Variants in SSBP1 observed in about 807,000 individuals in gnomAD.
SSBP1 encodes the protein single-stranded DNA-binding protein, mitochondrial.
In SSBP1, 20 loss-of-function variants were observed where a neutral mutation model predicts 27.0. That is an observed-to-expected ratio of 0.74 (90% CI 0.52 to 1.08). The LOEUF (loss-of-function observed/expected upper bound fraction) is 1.08, where lower values mean the gene tolerates loss of function less well. Among genes scored for constraint, SSBP1 ranks in the 50% least tolerant of loss-of-function variants. SSBP1 has a pLI of 0.00. For missense variants in SSBP1, 137 were observed against 182.4 expected (o/e 0.75, Z 1.44); for synonymous variants, 59 against 59.3 (o/e 1.00, Z 0.02).
At chr7:141,741,715 A>G (rs1201936535) in intron 2 of SSBP1, 1 of 958,680 alleles carries the variant, frequency 1.0e-6, no homozygotes, top group African/African-American at 1.8e-5. Context: ...TATTGAATAT[A>G]TGTAGTACTT....
chr7:141,745,883 T>G, intron 6 of SSBP1: 5 of 1,098,894 alleles, frequency 4.6e-6, no homozygotes, highest in Non-Finnish European at 5.5e-6. Flanking sequence ...TCTGAATGTA[T>G]TGTCTTTTGG....
chr7:141,742,566 T>G (rs117807028), intron 3 of SSBP1, among the ~76,000 whole-genome samples: 23 of 152,322 alleles, frequency 1.5e-4, no homozygotes, highest in Admixed American at 2.0e-4. Flanking sequence ...AATATTCCCT[T>G]GTGTTTATAA....
Position 141,738,402 on chromosome 7 carries a change from G to C in SSBP1, c.-52G>C, listed in dbSNP as rs564113515. 1 of 152,584 alleles carries C rather than the reference G, an allele frequency of 6.6e-6. No individual in the cohort carries two copies. The highest frequency in any genetic ancestry group is 2.4e-5 in the African/African-American group (1 of 41,568). The allele number at this position is 152,584 out of a possible 1,614,324, so 9.5% of individuals were successfully genotyped here. On this transcript the variant is annotated 5_prime_UTR_variant, in exon 1 of 7. Transcript: ENST00000265304. Reference sequence around the variant, plus strand: ...CTGCGTGGCTGGGCTGCTCGGGTTAGATCGTCAGGTGAGGGAGGAAGGGAT... The same window carrying C: ...CTGCGTGGCTGGGCTGCTCGGGTTACATCGTCAGGTGAGGGAGGAAGGGAT...
intron 2 of SSBP1, chr7:141,740,748 A>C (rs920158534): frequency 1.3e-5 from 2 of 152,180 alleles, no homozygotes; most frequent in South Asian, 2.1e-4. Context: ...TTTTTGATGC[A>C]CTAAAAACAG....
Position 141,745,640 on chromosome 7 carries a change from A to C in SSBP1, c.403+56A>C, listed in dbSNP as rs763619536. The C allele has an allele frequency of 2.5e-6, 4 of 1,605,102 alleles. No homozygotes were observed. In the Admixed American group the frequency reaches 6.8e-5, roughly 27 times the overall value. ...TCTTTTTCTCCTTTTCTTTTTTAAA[A>C]GCTTGGCTACACTGTAACTAACTAG... is the stretch of plus-strand genomic sequence containing the variant. On this transcript the variant is annotated intron_variant, in intron 6 of 6. Coordinates refer to ENST00000265304, the MANE Select transcript of SSBP1 (RefSeq NM_003143.3).
chr7:141,741,777 T>C, intron 2 of SSBP1: 1 of 1,000,168 alleles, frequency 1.0e-6, no homozygotes, highest in Non-Finnish European at 1.2e-6. Context: ...TGAAAATACT[T>C]GGCAGCAACT....
At chr7:141,741,326 A>T (rs1168773406) in intron 2 of SSBP1, 2 of 152,384 alleles carry the variant, frequency 1.3e-5, no homozygotes, top group Non-Finnish European at 2.9e-5. Context: ...GATCTTGGTC[A>T]GTAATGCTTG....
In SSBP1 at chr7:141,738,974, C is replaced by T. The variant is rs1422820510; in HGVS notation, c.-43-150C>T. The T allele has an allele frequency of 6.6e-6, 3 of 453,888 alleles. No individual in the cohort carries two copies. The Admixed American group carries it at 1.3e-4, about 19-fold the overall frequency. 28.1% of individuals were successfully genotyped at this position (453,888 alleles called of 1,614,324 possible). A position where few individuals can be genotyped will look rare whatever the true frequency, so the allele number is the denominator to read the frequency against. ...GTTTATTTGGGAGGGAGGAAGGAAT[C>T]CTCATCAGATGTGCAGGAATGTTGG... On this transcript the variant is annotated intron_variant, in intron 1 of 6. Transcript: ENST00000265304.
intron 5 of SSBP1, among the ~76,000 whole-genome samples, 165 bp downstream of exon 5, chr7:141,744,154 G>A (rs1265503944): frequency 6.6e-6 from 1 of 152,092 alleles, no homozygotes; most frequent in Non-Finnish European, 1.5e-5. Context: ...TGCATGGCAT[G>A]TTGCCATGTG....
At chr7:141,745,473 A>T in intron 5 of SSBP1, 23 bp from the exon 6 acceptor site, 1 of 1,572,450 alleles carries the variant, frequency 6.4e-7, no homozygotes. Flanking sequence ...TCAACTAAAA[A>T]CTGTACATTT....
Position 141,744,000 on chromosome 7 carries a change from GA to G in SSBP1, c.314+12del. 6.2e-7 allele frequency: 1 copy of G among 1,608,772 alleles called. No individual in the cohort carries two copies. ...ATATGTGAAAAAGGGGTAAGTTGAA[GA>G]GGGAAGGATCTTATGAATTGAATGA... On this transcript the variant is annotated intron_variant, in intron 5 of 6. Transcript: ENST00000265304.
At position 141,750,417 on chromosome 7, in the gene SSBP1, T is replaced by G; in HGVS notation, c.*63T>G. The G allele has an allele frequency of 7.6e-7, 1 of 1,324,294 alleles. No individual in the cohort carries two copies. Among genetic ancestry groups the G allele is most frequent in the Non-Finnish European group, 1.0e-6 (1 of 961,516 alleles). The allele number at this position is 1,324,294 out of a possible 1,614,324, so 82.0% of individuals were successfully genotyped here. A position where few individuals can be genotyped will look rare whatever the true frequency, so the allele number is the denominator to read the frequency against. On this transcript the variant is annotated 3_prime_UTR_variant, in exon 7 of 7. Transcript: ENST00000265304. ...CTCATTTCCAAGTCATGTATAATCT[T>G]TATGGCTTCCAAGGACAAGAATTAA...
chr7:141,746,514 TG>T (rs1435822833), intron 6 of SSBP1: 1 of 152,132 alleles, frequency 6.6e-6, no homozygotes, highest in Non-Finnish European at 1.5e-5. Flanking sequence ...CTGGCTAATT[TG>T]TCAATTTTTT....
chr7:141,739,304 C>T (rs73171636), intron 2 of SSBP1, 114 bp downstream of exon 2: 10 of 703,742 alleles, frequency 1.4e-5, no homozygotes, highest in Non-Finnish European at 2.2e-5. Context: ...CACCCACCCA[C>T]CTCTATACTC....
intron 6 of SSBP1, among the ~76,000 whole-genome samples, chr7:141,747,729 T>G (rs1486945865): frequency 6.6e-6 from 1 of 151,206 alleles, no homozygotes; most frequent in Non-Finnish European, 1.5e-5. Context: ...CTGGATGCAG[T>G]GGCTCACGCC....
intron 6 of SSBP1, among the ~76,000 whole-genome samples, chr7:141,748,441 A>T (rs1271410818): frequency 6.6e-6 from 1 of 152,066 alleles, no homozygotes; most frequent in Non-Finnish European, 1.5e-5. Flanking sequence ...TAACCACCAT[A>T]CCTTATTAAT....
At chr7:141,739,372 A>C in intron 2 of SSBP1, 182 bp downstream of exon 2, 1 of 430,850 alleles carries the variant, frequency 2.3e-6, no homozygotes, top group Non-Finnish European at 4.1e-6. Flanking sequence ...CACTAAAACA[A>C]AAAAAAAGTT....
At chr7:141,749,967 G>T (rs561926174) in intron 6 of SSBP1, among the ~76,000 whole-genome samples, 2 of 152,312 alleles carry the variant, frequency 1.3e-5, no homozygotes, top group African/African-American at 2.4e-5. Context: ...CTGAGGATGT[G>T]CTGCCTAGTG....
intron 2 of SSBP1, chr7:141,740,557 A>G (rs1799488145): frequency 6.6e-6 from 1 of 152,210 alleles, no homozygotes; most frequent in Non-Finnish European, 1.5e-5. Flanking sequence ...CCTAAATGGG[A>G]ATAATTTTAC....
Sources: allele counts gnomAD v4.1 joint callset (sites outside exome capture counted in the v4.1 genomes callset), GRCh38; gene constraint gnomAD v4.1.1; transcripts MANE v1.5; gene names NCBI Gene and HGNC (gene_info 2026-07-23, HGNC 2026-07-21).